The following DENND1B variants were observed in gnomAD, a reference collection of about 807,000 sequenced individuals.
DENND1B encodes DENN domain containing 1B, also known as DENN domain-containing protein 1B.
Under a neutral mutation model 90.1 loss-of-function variants are expected in DENND1B, and 59 were observed. The observed-to-expected ratio is 0.65, with a 90% CI of 0.53 to 0.81. The LOEUF (loss-of-function observed/expected upper bound fraction) is 0.81. Ranked by LOEUF, DENND1B falls within the 40% of genes least tolerant of loss-of-function variation. The pLI is 0.00. For synonymous variants in DENND1B, 337 were observed against 324.6 expected (o/e 1.04, Z -0.41); for missense variants, 862 against 912.6 (o/e 0.94, Z 0.71).
chr1:197,754,970 T>C (rs911087236), intron 2 of DENND1B, among the ~76,000 whole-genome samples: 6 of 152,178 alleles, frequency 3.9e-5, no homozygotes, highest in African/African-American at 1.4e-4. Flanking sequence ...TAAAGGCATT[T>C]ACACTCATAT....
chr1:197,547,677 T>C (rs988876714), intron 16 of DENND1B, among the ~76,000 whole-genome samples: 4 of 152,224 alleles, frequency 2.6e-5, no homozygotes, highest in African/African-American at 9.6e-5. Context: ...TAAAATAACC[T>C]TTGTAAAAAT....
intron 18 of DENND1B, among the ~76,000 whole-genome samples, chr1:197,543,596 C>A (rs1362560146): frequency 6.6e-6 from 1 of 152,046 alleles, no homozygotes; most frequent in African/African-American, 2.4e-5. Context: ...AAAAAAAAAT[C>A]TCTTCAAAAA....
chr1:197,731,084 T>C (rs753704522), intron 2 of DENND1B, among the ~76,000 whole-genome samples: 2 of 152,132 alleles, frequency 1.3e-5, no homozygotes, highest in Non-Finnish European at 2.9e-5. Flanking sequence ...TTTCGAGGAA[T>C]AGCAGACACT....
rs11806651 is a variant in DENND1B at position 197,680,928 on chromosome 1, C to A, written c.127-6759G>T. ...GATTAAGTGAAAATAAAATAAAAAT[C>A]CATATAAAATGATTAGGATAATATC... On this transcript the variant is annotated intron_variant, in intron 3 of 22. Coordinates refer to ENST00000620048, the MANE Select transcript of DENND1B (RefSeq NM_001195215.2). Among the ~76,000 whole-genome samples the A allele has an allele frequency of 5.8e-3, 883 of 152,134 alleles. 9 individuals are homozygous for A. Among genetic ancestry groups the A allele is most frequent in the African/African-American group, 0.02 (816 of 41,514 alleles).
At chr1:197,617,199 AT>A (rs1426957772) in intron 11 of DENND1B, among the ~76,000 whole-genome samples, 2 of 151,056 alleles carry the variant, frequency 1.3e-5, no homozygotes, top group African/African-American at 4.8e-5. Context: ...AGTACTTGGT[AT>A]TTGGTGTGCT....
At chr1:197,547,209 A>G (rs918485415) in intron 16 of DENND1B, among the ~76,000 whole-genome samples, 1 of 151,796 alleles carries the variant, frequency 6.6e-6, no homozygotes, top group Non-Finnish European at 1.5e-5. Flanking sequence ...TCAAGGTTGC[A>G]GTGTGCTAAG....
At chr1:197,586,635 T>C (rs1674723332) in intron 14 of DENND1B, among the ~76,000 whole-genome samples, 1 of 152,234 alleles carries the variant, frequency 6.6e-6, no homozygotes, top group Non-Finnish European at 1.5e-5. Flanking sequence ...GAGAAGTTGA[T>C]AAAATCAATT....
At chr1:197,704,078 T>C (rs1659292955) in intron 3 of DENND1B, among the ~76,000 whole-genome samples, 1 of 151,980 alleles carries the variant, frequency 6.6e-6, no homozygotes, top group African/African-American at 2.4e-5. Context: ...ACCCCATCTC[T>C]ACAAAAAATA....
At chr1:197,608,736 G>A (rs1400711331) in intron 12 of DENND1B, among the ~76,000 whole-genome samples, 2 of 150,416 alleles carry the variant, frequency 1.3e-5, no homozygotes, top group Non-Finnish European at 3.0e-5. Flanking sequence ...AAAGTGTTTC[G>A]TGAGGACATT....
chr1:197,657,773 C>T (rs542431160), intron 6 of DENND1B, among the ~76,000 whole-genome samples: 26 of 152,170 alleles, frequency 1.7e-4, no homozygotes, highest in South Asian at 8.3e-4. Flanking sequence ...AAGGATTGAA[C>T]CCAAGGGCTG....
intron 15 of DENND1B, among the ~76,000 whole-genome samples, chr1:197,580,138 G>A (rs1037646780): frequency 2.2e-5 from 3 of 136,512 alleles, no homozygotes; most frequent in African/African-American, 8.2e-5. Context: ...TGTCGCCCAG[G>A]CTGGAGTGCA....
chr1:197,543,867 T>C (rs1670521359), intron 18 of DENND1B, among the ~76,000 whole-genome samples: 1 of 152,176 alleles, frequency 6.6e-6, no homozygotes, highest in African/African-American at 2.4e-5. Context: ...ACTCAAGGAA[T>C]AACAGAAGTT....
intron 2 of DENND1B, among the ~76,000 whole-genome samples, chr1:197,742,326 T>C (rs575143369): frequency 6.6e-6 from 1 of 152,342 alleles, no homozygotes; most frequent in Admixed American, 6.5e-5. Flanking sequence ...ATTTCTACTG[T>C]GTGCTTTGTG....
Position 197,647,105 on chromosome 1 carries a change from T to C in DENND1B, c.457A>G (p.Ile153Val), listed in dbSNP as rs1572181669. ...TPVNLSVNQE[I>V]FIACEQVLKD... is the part of the protein sequence containing the mutation. ...AGAACTTGCTCACAGGCAATAAATA[T>C]CTCTTGGTTCTTATAATACATGAGA... is the stretch of plus-strand genomic sequence containing the variant. The change falls in exon 8 of 23, where the codon ATA becomes GTA. Residue 153 changes from isoleucine to valine, a missense_variant. Ile to Val is a conservative substitution (Grantham distance 29). Transcript: ENST00000620048. The C allele has an allele frequency of 1.4e-6, 2 of 1,460,168 alleles. No individual in the cohort carries two copies. The highest frequency in any genetic ancestry group is 1.8e-6 in the Non-Finnish European group (2 of 1,114,474). 90.5% of individuals were successfully genotyped at this position (1,460,168 alleles called of 1,614,324 possible).
intron 2 of DENND1B, chr1:197,735,490 G>A: frequency 6.4e-7 from 1 of 1,573,208 alleles, no homozygotes; most frequent in Non-Finnish European, 8.6e-7. Flanking sequence ...GTGATCTAAA[G>A]TTTTGCTTAA....
At chr1:197,774,781 G>A (rs1657061436) in intron 1 of DENND1B, among the ~76,000 whole-genome samples, 1 of 152,214 alleles carries the variant, frequency 6.6e-6, no homozygotes, top group Non-Finnish European at 1.5e-5. Flanking sequence ...GCAGCCCCAG[G>A]AGAGTCACAT....
chr1:197,652,748 A>T (rs560817560), intron 6 of DENND1B, among the ~76,000 whole-genome samples: 21 of 152,270 alleles, frequency 1.4e-4, no homozygotes, highest in African/African-American at 5.0e-4. Context: ...AATTTAAGTA[A>T]GATTATTTCA....
rs567759573 is a variant in DENND1B at position 197,751,610 on chromosome 1, G to A, written c.82+21258C>T. Reference sequence around the variant, plus strand: ...TGTAAGCCCAGCACTTTGGGAGGCCGAGGTGGGTGGATCACTTGAGGTCAG... The same window carrying A: ...TGTAAGCCCAGCACTTTGGGAGGCCAAGGTGGGTGGATCACTTGAGGTCAG... On this transcript the variant is annotated intron_variant, in intron 2 of 22. Coordinates refer to ENST00000620048, the MANE Select transcript of DENND1B (RefSeq NM_001195215.2). Among the ~76,000 whole-genome samples, 6 of 152,222 alleles carry A rather than the reference G, an allele frequency of 3.9e-5. No individual in the cohort carries two copies. In the East Asian group the frequency reaches 5.8e-4, roughly 15 times the overall value.
intron 2 of DENND1B, among the ~76,000 whole-genome samples, chr1:197,754,249 T>A (rs1164310745): frequency 1.3e-5 from 2 of 152,110 alleles, no homozygotes; most frequent in South Asian, 4.1e-4. Context: ...AGACTATATA[T>A]CTTTTCGGAA....
Sources: allele counts gnomAD v4.1 joint callset (sites outside exome capture counted in the v4.1 genomes callset), GRCh38; gene constraint gnomAD v4.1.1; transcripts MANE v1.5; gene names NCBI Gene and HGNC (gene_info 2026-07-23, HGNC 2026-07-21).